RAG1: variants seen among roughly 807,000 people sequenced by gnomAD.
The protein encoded by RAG1 is recombination activating 1, also known as V(D)J recombination-activating protein 1.
RAG1 carries 35 observed loss-of-function variants against 62.7 expected under a neutral mutation model. The observed-to-expected ratio is 0.56, with a 90% confidence interval of 0.43 to 0.74. The LOEUF (loss-of-function observed/expected upper bound fraction) is 0.74. Ranked by LOEUF, RAG1 falls within the 30% of genes least tolerant of loss-of-function variation. The probability of loss-of-function intolerance (pLI) is 0.00; values close to 1 mark genes in which losing one functional copy is unlikely to be tolerated. For missense variants in RAG1, 1,169 were observed against 1,278.6 expected (o/e 0.91, Z 1.31); for synonymous variants, 461 against 470.3 (o/e 0.98, Z 0.26).
rs4151043 is a variant in RAG1, at chr11:36,578,369, C to G, written c.*1933C>G. ...ATTTTAACATTAGTTTTTTTGAAAA[C>G]TCTTGGTTTTGTTTTTTTGGAAATG... On this transcript the variant is annotated 3_prime_UTR_variant, in exon 2 of 2. Coordinates refer to ENST00000299440, the MANE Select transcript of RAG1 (RefSeq NM_000448.3). 3.0e-5 allele frequency: 5 copies of G among 166,398 alleles called. No homozygotes were observed. Among genetic ancestry groups the G allele is most frequent in the African/African-American group, 1.2e-4 (5 of 41,386 alleles). 10.3% of individuals were successfully genotyped at this position (166,398 alleles called of 1,614,324 possible). A position where few individuals can be genotyped will look rare whatever the true frequency, so the allele number is the denominator to read the frequency against.
In RAG1 at chr11:36,576,365, C is replaced by A; in HGVS notation, c.3061C>A (p.Pro1021Thr). The change falls in exon 2 of 2, where the codon CCT (proline) becomes ACT (threonine). Residue 1021 changes from proline (P) to threonine (T), a missense_variant. Pro to Thr is a conservative substitution (Grantham distance 38). Transcript: ENST00000299440. ...ALKTSGFTMNPQASLGDPLGI... is the reference protein window; with the variant it reads ...ALKTSGFTMNTQASLGDPLGI... Reference sequence around the variant, plus strand: ...AAAAACCTCTGGGTTTACCATGAACCCTCAGGCAAGCTTAGGGGACCCATT... The same window carrying A: ...AAAAACCTCTGGGTTTACCATGAACACTCAGGCAAGCTTAGGGGACCCATT... 6 of 1,614,072 alleles carry A rather than the reference C, an allele frequency of 3.7e-6. No homozygotes were observed. The highest frequency in any genetic ancestry group is 5.1e-6 in the Non-Finnish European group (6 of 1,180,002).
chr11:36,566,879 C>T (rs991171934), upstream of RAG1, among the ~76,000 whole-genome samples: 7 of 152,132 alleles, frequency 4.6e-5, no homozygotes, highest in Admixed American at 1.3e-4. Context: ...GTAAGAGGAG[C>T]GTCGAATGAG....
In RAG1 at chr11:36,573,586, C is replaced by T. The variant is rs148700564; in HGVS notation, c.282C>T (p.Asn94=). The change falls in exon 2 of 2, where the codon AAC becomes AAT. Residue 94 remains asparagine, a synonymous_variant. Coordinates refer to ENST00000299440, the MANE Select transcript of RAG1 (RefSeq NM_000448.3). ...HPKFSKKFHD[N]EKARGKAIHQ... ...AGTTTTCAAAGAAATTTCACGACAACGAGAAAGCAAGAGGCAAAGCGATCC... is the reference window on the plus strand; with the variant it reads ...AGTTTTCAAAGAAATTTCACGACAATGAGAAAGCAAGAGGCAAAGCGATCC... 36 of 1,614,042 alleles carry T rather than the reference C, an allele frequency of 2.2e-5. No individual in the cohort carries two copies. Among genetic ancestry groups the T allele is most frequent in the South Asian group, 7.7e-5 (7 of 91,084 alleles).
At chr11:36,539,189 T>G (rs1382277203), downstream of RAG1, among the ~76,000 whole-genome samples, 1 of 152,110 alleles carries the variant, frequency 6.6e-6, no homozygotes, top group Non-Finnish European at 1.5e-5. Context: ...ACTGGTATCC[T>G]TATAAGGAAA....
chr11:36,514,873 G>C, intron 1 of RAG1, among the ~76,000 whole-genome samples: 1 of 152,150 alleles, frequency 6.6e-6, no homozygotes, highest in East Asian at 1.9e-4. Context: ...ATACCTGAGT[G>C]ATGGTTTCTG....
At chr11:36,568,716 TAATTTTGA>T (rs1335636848) in intron 1 of RAG1, among the ~76,000 whole-genome samples, 1 of 152,234 alleles carries the variant, frequency 6.6e-6, no homozygotes, top group Non-Finnish European at 1.5e-5. Flanking sequence ...TGATTTGTAT[TAATTTTGA>T]GAATTGCCAT....
chr11:36,544,044 C>T (rs1317088828), intron 3 of RAG1, among the ~76,000 whole-genome samples: 2 of 152,166 alleles, frequency 1.3e-5, no homozygotes, highest in Non-Finnish European at 2.9e-5. Context: ...AAATTATATA[C>T]ATATGGAACA....
At chr11:36,572,865 C>A (rs912900560) in intron 1 of RAG1, among the ~76,000 whole-genome samples, 1 of 152,174 alleles carries the variant, frequency 6.6e-6, no homozygotes, top group African/African-American at 2.4e-5. Flanking sequence ...CCAGCTAGTA[C>A]AATGAGGCTA....
At chr11:36,543,086 T>C (rs1045816759) in intron 3 of RAG1, among the ~76,000 whole-genome samples, 1 of 152,198 alleles carries the variant, frequency 6.6e-6, no homozygotes, top group African/African-American at 2.4e-5. Flanking sequence ...CCTTCTTCCT[T>C]GGTGACTCCT....
Position 36,576,383 on chromosome 11 carries a change from G to T in RAG1, c.3079G>T (p.Asp1027Tyr). ...FTMNPQASLG[D>Y]PLGIEDSLES... ...CATGAACCCTCAGGCAAGCTTAGGG[G>T]ACCCATTAGGCATAGAGGACTCTCT... The change falls in exon 2 of 2, where the codon GAC becomes TAC. Residue 1027 changes from aspartate to tyrosine, a missense_variant. Asp to Tyr is a radical substitution (Grantham distance 160, BLOSUM62 -3). This residue lies in a region of RAG1 where 800 missense variants were observed against 943.3 expected (regional missense o/e 0.85). Transcript: ENST00000299440. 1.9e-6 allele frequency: 3 copies of T among 1,614,052 alleles called. No individual in the cohort carries two copies. The highest frequency in any genetic ancestry group is 2.5e-6 in the Non-Finnish European group (3 of 1,179,950).
intron 2 of RAG1, among the ~76,000 whole-genome samples, chr11:36,523,640 G>T (rs537091437): frequency 5.9e-5 from 9 of 152,112 alleles, no homozygotes; most frequent in Non-Finnish European, 1.2e-4. Flanking sequence ...TTCTCCAAAT[G>T]TACTTCAAAT....
intron 2 of RAG1, among the ~76,000 whole-genome samples, chr11:36,535,232 A>G (rs1453629955): frequency 1.3e-5 from 2 of 151,618 alleles, no homozygotes; most frequent in Non-Finnish European, 2.9e-5. Context: ...GAATGCATCA[A>G]GGTCTATCAT....
chr11:36,524,340 T>A (rs201595996), intron 2 of RAG1, among the ~76,000 whole-genome samples: 15 of 143,930 alleles, frequency 1.0e-4, no homozygotes, highest in East Asian at 2.0e-4. Flanking sequence ...TAAAGTATAA[T>A]AAAAAAAAAA....
chr11:36,571,158 A>G (rs552615868), intron 1 of RAG1, among the ~76,000 whole-genome samples: 1 of 152,138 alleles, frequency 6.6e-6, no homozygotes, highest in Non-Finnish European at 1.5e-5. Flanking sequence ...GAAGTGAGAT[A>G]GTTCTAAGGA....
chr11:36,512,938 C>A (rs570767995), intron 1 of RAG1, among the ~76,000 whole-genome samples: 1 of 152,262 alleles, frequency 6.6e-6, no homozygotes, highest in African/African-American at 2.4e-5. Context: ...AAATTTCATG[C>A]GTTGGAAACT....
At position 36,573,970 on chromosome 11, in the gene RAG1, G is replaced by A; in HGVS notation, c.666G>A (p.Lys222=). ...DICNTARRGL[K]RKSLQPNLQL... ...GCAACACTGCCCGTCGGGGACTCAA[G>A]AGGAAGAGTCTTCAGCCAAACTTGC... The change falls in exon 2 of 2, where the codon AAG becomes AAA. Residue 222 remains lysine (K), a synonymous_variant. Transcript: ENST00000299440. 6.2e-7 allele frequency: 1 copy of A among 1,614,144 alleles called. No homozygotes were observed. The highest frequency in any genetic ancestry group is 8.5e-7 in the Non-Finnish European group (1 of 1,180,042).
chr11:36,523,267 C>T (rs541301399), intron 2 of RAG1, among the ~76,000 whole-genome samples: 8 of 152,210 alleles, frequency 5.3e-5, no homozygotes, highest in African/African-American at 1.2e-4. Flanking sequence ...ATCATGGGGG[C>T]GGGTAGTTCT....
intron 2 of RAG1, among the ~76,000 whole-genome samples, chr11:36,530,515 A>G (rs1377994127): frequency 6.6e-6 from 1 of 151,602 alleles, no homozygotes; most frequent in African/African-American, 2.4e-5. Flanking sequence ...ATGAGTTATA[A>G]GTTGTATTCT....
chr11:36,574,839 T>C lies in RAG1; in HGVS notation c.1535T>C (p.Val512Ala), dbSNP rs1850815062. The change falls in exon 2 of 2, where the codon GTA (valine) becomes GCA (alanine). Residue 512 changes from valine (V) to alanine (A), a missense_variant. Val to Ala is a moderately conservative substitution (Grantham distance 64, BLOSUM62 0). Transcript: ENST00000299440. ...PLHALRNAEK[V>A]LLPGYHHFEW... ...CATGCCCTTCGGAATGCTGAGAAGG[T>C]ACTTCTGCCAGGCTACCACCACTTT... is the stretch of plus-strand genomic sequence containing the variant. 1.9e-6 allele frequency: 3 copies of C among 1,614,076 alleles called. No individual in the cohort carries two copies. Among genetic ancestry groups the C allele is most frequent in the Non-Finnish European group, 2.5e-6 (3 of 1,180,044 alleles).
Sources: gnomAD v4.1 joint callset for allele counts (sites outside exome capture counted in the v4.1 genomes callset) on GRCh38, gnomAD v4.1.1 for gene constraint, gnomAD v4.1.1 regional missense constraint, MANE v1.5 for transcripts, NCBI Gene and HGNC (gene_info 2026-07-23, HGNC 2026-07-21) for gene names.